KIRREL3: variants seen among roughly 807,000 people sequenced by gnomAD.
KIRREL3 encodes the protein kirre like nephrin family adhesion molecule 3.
Under a neutral mutation model 89.7 loss-of-function variants are expected in KIRREL3, and 36 were observed. The observed-to-expected ratio is 0.40, with a 90% CI of 0.31 to 0.53. KIRREL3 has a LOEUF of 0.53. KIRREL3 is among the 20% of genes least tolerant of loss of function. The pLI is 0.49. For missense variants in KIRREL3, 864 were observed against 1,056.6 expected, an observed-to-expected ratio of 0.82 and a Z score of 2.53; for synonymous variants, 445 against 441.4, an observed-to-expected ratio of 1.01 and a Z score of -0.10.
Position 126,918,500 on chromosome 11 carries a change from G to A in KIRREL3, c.55+81955C>T, listed in dbSNP as rs1046798948. ...AAGCTTGTGGTGGAGGGCAGTTACCGGATTTTAATTAACTAGCTGAATTAT... is the reference window on the plus strand; with the variant it reads ...AAGCTTGTGGTGGAGGGCAGTTACCAGATTTTAATTAACTAGCTGAATTAT... On this transcript the variant is annotated intron_variant, in intron 1 of 16. Transcript: ENST00000525144. The surrounding 1 kb of genome is among the most constrained non-coding windows in gnomAD (Gnocchi z 6.5). 2.0e-5 allele frequency among the ~76,000 whole-genome samples: 3 copies of A among 152,120 alleles called. No homozygotes were observed. Among genetic ancestry groups the A allele is most frequent in the Middle Eastern group, 3.2e-3 (1 of 316 alleles).
Position 126,739,233 on chromosome 11 carries a change from A to G in KIRREL3, c.56-176321T>C, listed in dbSNP as rs1404897190. Among the ~76,000 whole-genome samples the G allele has an allele frequency of 1.3e-5, 2 of 152,260 alleles. No homozygotes were observed. Among genetic ancestry groups the G allele is most frequent in the Non-Finnish European group, 2.9e-5 (2 of 68,048 alleles). On this transcript the variant is annotated intron_variant, in intron 1 of 16. Transcript: ENST00000525144. The surrounding 1 kb of genome is among the most constrained non-coding windows in gnomAD (Gnocchi z 5.5). ...CTGATGTGAATTTCTAGCCTTCTGC[A>G]TATGACTTGCCCACAGAGCATTAGG... is the stretch of plus-strand genomic sequence containing the variant.
chr11:126,783,416 G>T lies in KIRREL3; in HGVS notation c.55+217039C>A, dbSNP rs1950386828. ...TGCAATATCCCTGCTTCAAAATAAG[G>T]TCATATTCTGTGGTATTGGGTGTTA... On this transcript the variant is annotated intron_variant, in intron 1 of 16. Coordinates refer to ENST00000525144, the MANE Select transcript of KIRREL3 (RefSeq NM_032531.4). The surrounding 1 kb of genome is among the most constrained non-coding windows in gnomAD (Gnocchi z 4.3). 1.3e-5 allele frequency among the ~76,000 whole-genome samples: 2 copies of T among 152,088 alleles called. No individual in the cohort carries two copies. The highest frequency in any genetic ancestry group is 2.9e-5 in the Non-Finnish European group (2 of 68,028).
Position 126,523,688 on chromosome 11 carries a change from A to T in KIRREL3, c.284-2224T>A, listed in dbSNP as rs1215228992. On this transcript the variant is annotated intron_variant, in intron 3 of 16. Transcript: ENST00000525144. This position sits in a 1 kb window ranked among gnomAD's most constrained non-coding sequence, Gnocchi z 4.9. ...CCCCAGGGCCAGGAGAGGGGCTGGA[A>T]ATGGGTTCTAGCCCAATCCTCTCCC... Among the ~76,000 whole-genome samples, 2 of 152,028 alleles carry T rather than the reference A, an allele frequency of 1.3e-5. No homozygotes were observed. The highest frequency in any genetic ancestry group is 2.9e-5 in the Non-Finnish European group (2 of 67,996).
chr11:126,958,951 T>C (rs1344191132), intron 1 of KIRREL3, among the ~76,000 whole-genome samples: 1 of 152,194 alleles, frequency 6.6e-6, no homozygotes, highest in Non-Finnish European at 1.5e-5. Flanking sequence ...GCATTTTAAT[T>C]AGTAGACTAA....
Position 126,424,515 on chromosome 11 carries a change from C to A in KIRREL3, c.*65G>T. On this transcript the variant is annotated 3_prime_UTR_variant, in exon 17 of 17. Coordinates refer to ENST00000525144, the MANE Select transcript of KIRREL3 (RefSeq NM_032531.4). ...GTGTCCTCTGCAAAGTACCCCTCGT[C>A]CCTGGACAACCAGAACGTGCCCTGA... The A allele has an allele frequency of 1.3e-6, 2 of 1,517,362 alleles. No individual in the cohort carries two copies. The highest frequency in any genetic ancestry group is 1.8e-6 in the Non-Finnish European group (2 of 1,108,546). 94.0% of individuals were successfully genotyped at this position (1,517,362 alleles called of 1,614,324 possible).
At chr11:126,654,158 G>A (rs1171920950) in intron 1 of KIRREL3, among the ~76,000 whole-genome samples, 1 of 148,082 alleles carries the variant, frequency 6.8e-6, no homozygotes, top group African/African-American at 2.5e-5. Flanking sequence ...AGGCTGGTGA[G>A]CGAGGGCTCG....
chr11:126,801,378 A>G (rs1338166917), intron 1 of KIRREL3, among the ~76,000 whole-genome samples: 2 of 152,184 alleles, frequency 1.3e-5, no homozygotes, highest in African/African-American at 2.4e-5. Context: ...TAATGTTGCC[A>G]TAGGTACAGT....
At chr11:126,433,910 C>T (rs1955225129) in intron 13 of KIRREL3, among the ~76,000 whole-genome samples, 1 of 152,266 alleles carries the variant, frequency 6.6e-6, no homozygotes, top group South Asian at 2.1e-4. Flanking sequence ...GAGAGCTGGG[C>T]AGCAGCATTG....
chr11:126,938,536 G>T (rs756734197), intron 1 of KIRREL3, among the ~76,000 whole-genome samples: 2 of 152,154 alleles, frequency 1.3e-5, no homozygotes, highest in Non-Finnish European at 2.9e-5. Flanking sequence ...AAGCTTAAAG[G>T]AATAAAACAT....
intron 4 of KIRREL3, among the ~76,000 whole-genome samples, chr11:126,505,574 TA>T (rs35612888): frequency 3.3e-5 from 5 of 151,170 alleles, no homozygotes; most frequent in African/African-American, 1.2e-4. Flanking sequence ...TCCATCTCTT[TA>T]AAAAAAAATG....
Position 126,611,467 on chromosome 11 carries a change from C to T in KIRREL3, c.56-48555G>A, listed in dbSNP as rs1280200900. ...ACACACATGCATGGAAGCTATATTC[C>T]TCCTTCATACTGGACTTTGAGGACA... On this transcript the variant is annotated intron_variant, in intron 1 of 16. Coordinates refer to ENST00000525144, the MANE Select transcript of KIRREL3 (RefSeq NM_032531.4). The surrounding 1 kb of genome is among the most constrained non-coding windows in gnomAD (Gnocchi z 4.7). Among the ~76,000 whole-genome samples the T allele has an allele frequency of 6.6e-6, 1 of 152,160 alleles. No individual in the cohort carries two copies. Among genetic ancestry groups the T allele is most frequent in the African/African-American group, 2.4e-5 (1 of 41,434 alleles).
chr11:126,663,123 G>A (rs2135023032), intron 1 of KIRREL3, among the ~76,000 whole-genome samples: 1 of 151,172 alleles, frequency 6.6e-6, no homozygotes, highest in South Asian at 2.1e-4. Flanking sequence ...TGAGCATGGG[G>A]AGTGTGGAGT....
chr11:126,498,162 G>C lies in KIRREL3; in HGVS notation c.433+23153C>G, dbSNP rs1957734632. Reference sequence around the variant, plus strand: ...GACCAAGCTGATTGAGTGAAAGGGGGCAGAGTTGGGGTGGCCATCAAACCC... The same window carrying C: ...GACCAAGCTGATTGAGTGAAAGGGGCCAGAGTTGGGGTGGCCATCAAACCC... On this transcript the variant is annotated intron_variant, in intron 4 of 16. Transcript: ENST00000525144. This position sits in a 1 kb window ranked among gnomAD's most constrained non-coding sequence, Gnocchi z 4.3. Among the ~76,000 whole-genome samples the C allele has an allele frequency of 6.6e-6, 1 of 152,210 alleles. No homozygotes were observed. The highest frequency in any genetic ancestry group is 1.5e-5 in the Non-Finnish European group (1 of 68,034).
rs1438922579 is a variant in KIRREL3, at chr11:126,563,739, A to G, written c.56-827T>C. Among the ~76,000 whole-genome samples the G allele has an allele frequency of 6.6e-6, 1 of 152,198 alleles. No individual in the cohort carries two copies. The highest frequency in any genetic ancestry group is 1.5e-5 in the Non-Finnish European group (1 of 68,034). ...TAAATCAGTGTCCATTGTGTGTGTG[A>G]GCATTAAATTGGAGTCCATCTGCCT... On this transcript the variant is annotated intron_variant, in intron 1 of 16. Coordinates refer to ENST00000525144, the MANE Select transcript of KIRREL3 (RefSeq NM_032531.4). The surrounding 1 kb of genome is among the most constrained non-coding windows in gnomAD (Gnocchi z 6.8).
Position 126,473,410 on chromosome 11 carries a change from C to A in KIRREL3, c.490G>T (p.Asp164Tyr). ...GCGTGGCAGGTGAGGTTGAGAGGGT[C>A]CCCCGCACGCAGGCTGATCACAGGG... ...GGPVISLRAG[D>Y]PLNLTCHADN... The change falls in exon 5 of 17, where the codon GAC (aspartate) becomes TAC (tyrosine). Residue 164 changes from aspartate (D) to tyrosine (Y), a missense_variant. Asp to Tyr is a radical substitution (Grantham distance 160). Coordinates refer to ENST00000525144, the MANE Select transcript of KIRREL3 (RefSeq NM_032531.4). The A allele has an allele frequency of 6.3e-7, 1 of 1,586,126 alleles. No homozygotes were observed. Among genetic ancestry groups the A allele is most frequent in the South Asian group, 1.1e-5 (1 of 87,610 alleles).
Position 126,522,042 on chromosome 11 carries a change from C to A in KIRREL3, c.284-578G>T, listed in dbSNP as rs575006356. Among the ~76,000 whole-genome samples the A allele has an allele frequency of 6.6e-6, 1 of 152,220 alleles. No individual in the cohort carries two copies. Among genetic ancestry groups the A allele is most frequent in the East Asian group, 1.9e-4 (1 of 5,170 alleles). On this transcript the variant is annotated intron_variant, in intron 3 of 16. Transcript: ENST00000525144. This position sits in a 1 kb window ranked among gnomAD's most constrained non-coding sequence, Gnocchi z 6.0. ...TATAGGCATGAGCCACCATGCCCGG[C>A]CATGTAAGGGTCTTGTTGGTTTCAA... is the stretch of plus-strand genomic sequence containing the variant.
At chr11:126,663,833 G>A (rs1945531625) in intron 1 of KIRREL3, among the ~76,000 whole-genome samples, 1 of 152,260 alleles carries the variant, frequency 6.6e-6, no homozygotes, top group Admixed American at 6.5e-5. Context: ...ATTCATGATT[G>A]TTGAGCAAGA....
intron 7 of KIRREL3, among the ~76,000 whole-genome samples, chr11:126,451,585 T>C (rs201644939): frequency 7.9e-4 from 103 of 130,488 alleles, no homozygotes; most frequent in Middle Eastern, 4.6e-3. Context: ...TGTGTGTGCG[T>C]GTGTGTACAT....
chr11:126,592,867 C>A (rs1788968), intron 1 of KIRREL3, among the ~76,000 whole-genome samples: 50,825 of 151,972 alleles, frequency 0.33, 8,806 homozygotes, highest in East Asian at 0.57. Context: ...GCAGAAAAGG[C>A]CTGTTGTTGA....
Sources: allele counts gnomAD v4.1 joint callset (sites outside exome capture counted in the v4.1 genomes callset), GRCh38; gene constraint gnomAD v4.1.1; non-coding constraint Gnocchi (gnomAD v3.1); transcripts MANE v1.5; gene names NCBI Gene and HGNC (gene_info 2026-07-23, HGNC 2026-07-21).